The following TXNRD2 variants were observed in gnomAD, a reference collection of about 807,000 sequenced individuals.
The protein encoded by TXNRD2 is thioredoxin reductase 2.
A neutral mutation model predicts 70.8 loss-of-function variants in TXNRD2; 67 were observed. That is an observed-to-expected ratio of 0.95 (90% CI 0.78 to 1.16). The LOEUF is 1.16. Among genes scored for constraint, TXNRD2 ranks in the 50% most tolerant of loss-of-function variants. TXNRD2 has a pLI of 0.00. For synonymous variants in TXNRD2, 301 were observed against 295.8 expected (o/e 1.02, Z -0.18); for missense variants, 644 against 719.9 (o/e 0.89, Z 1.21).
intron 8 of TXNRD2, among the ~76,000 whole-genome samples, chr22:19,903,745 G>A (rs1939882656): frequency 6.6e-6 from 1 of 152,228 alleles, no homozygotes; most frequent in African/African-American, 2.4e-5. Context: ...GCTCCCCGGT[G>A]TGGGCTCACC....
At chr22:19,898,934 T>C in intron 9 of TXNRD2, 115 bp downstream of exon 9, 1 of 1,347,120 alleles carries the variant, frequency 7.4e-7, no homozygotes, top group South Asian at 1.2e-5. Flanking sequence ...AGAGGCCCAG[T>C]AAGTGCCGAT....
At chr22:19,892,971 G>A (rs998339699) in intron 11 of TXNRD2, among the ~76,000 whole-genome samples, 4 of 152,088 alleles carry the variant, frequency 2.6e-5, no homozygotes, top group East Asian at 1.9e-4. Context: ...GATCACCTCC[G>A]GGCCAAGAGC....
rs1296502801 is a variant in TXNRD2, at chr22:19,883,430, C to T, written c.981G>A (p.Leu327=). Residue 327 remains leucine (L), a synonymous_variant, in exon 12 of 18, where the codon TTG becomes TTA. Transcript: ENST00000400521. ...GRVPDTRSLN[L]EKAGVDTSPD... The stretch of plus-strand genomic sequence containing the variant: ...GGCTAGTATCTACCCCAGCCTTCTC[C>T]AAATTCAGACTTCTGGTGTCTGGGA... The T allele has an allele frequency of 6.2e-7, 1 of 1,614,072 alleles. No homozygotes were observed. Among genetic ancestry groups the T allele is most frequent in the Non-Finnish European group, 8.5e-7 (1 of 1,180,044 alleles).
chr22:19,880,365 G>A, intron 13 of TXNRD2, 94 bp from the exon 14 acceptor site: 2 of 1,309,656 alleles, frequency 1.5e-6, no homozygotes, highest in Non-Finnish European at 2.2e-6. Context: ...TCACAGACCA[G>A]GACCAGATGC....
intron 1 of TXNRD2, among the ~76,000 whole-genome samples, chr22:19,936,505 T>C (rs541807260): frequency 2.6e-5 from 4 of 152,244 alleles, no homozygotes; most frequent in African/African-American, 9.6e-5. Context: ...TTTACAGTCT[T>C]TGCCTCCGGA....
intron 10 of TXNRD2, among the ~76,000 whole-genome samples, chr22:19,897,595 T>C (rs1939567008): frequency 1.3e-5 from 2 of 152,138 alleles, no homozygotes; most frequent in South Asian, 4.1e-4. Flanking sequence ...GAGCCAGCGC[T>C]GCCCTGTGTC....
At chr22:19,925,883 A>C (rs1569108829) in intron 2 of TXNRD2, among the ~76,000 whole-genome samples, 1 of 148,412 alleles carries the variant, frequency 6.7e-6, no homozygotes, top group African/African-American at 2.5e-5. Context: ...AAGAAAGTGC[A>C]GGGCCGGGCA....
chr22:19,883,708 C>T (rs1372620440), intron 11 of TXNRD2: 4 of 505,540 alleles, frequency 7.9e-6, no homozygotes, highest in Non-Finnish European at 1.4e-5. Context: ...AATCCCAACA[C>T]TTTGGGAGGC....
At chr22:19,891,784 GACAA>G (rs1939273170) in intron 11 of TXNRD2, 1 of 152,254 alleles carries the variant, frequency 6.6e-6, no homozygotes, top group South Asian at 2.1e-4. Flanking sequence ...GTGATTCAGA[GACAA>G]ACAATGAGCG....
At chr22:19,910,316 C>A (rs1222057269) in intron 8 of TXNRD2, among the ~76,000 whole-genome samples, 1 of 152,158 alleles carries the variant, frequency 6.6e-6, no homozygotes, top group Non-Finnish European at 1.5e-5. Context: ...GTTTCTGAGG[C>A]CTTTGGAGTC....
chr22:19,918,742 T>G, intron 4 of TXNRD2, 118 bp downstream of exon 4: 1 of 1,301,074 alleles, frequency 7.7e-7, no homozygotes, highest in Non-Finnish European at 1.1e-6. Context: ...CGCCCCTGGC[T>G]GAGAAACCCA....
At chr22:19,889,416 G>C (rs532730759) in intron 11 of TXNRD2, among the ~76,000 whole-genome samples, 81 of 152,230 alleles carry the variant, frequency 5.3e-4, no homozygotes, top group African/African-American at 1.8e-3. Flanking sequence ...TTCGAGACCA[G>C]CCTGGCTAAC....
chr22:19,929,040 G>T (rs1348099208), intron 2 of TXNRD2, among the ~76,000 whole-genome samples: 1 of 148,362 alleles, frequency 6.7e-6, no homozygotes, highest in Non-Finnish European at 1.5e-5. Flanking sequence ...TTAAAATGAG[G>T]CCATAGGCCG....
At position 19,883,308 on chromosome 22, in the gene TXNRD2, C is replaced by T. The variant is rs2239893; in HGVS notation, c.1086+17G>A. 0.29 allele frequency: 466,757 copies of T among 1,610,858 alleles called. 69,364 individuals are homozygous for T. Among genetic ancestry groups the T allele is most frequent in the Non-Finnish European group, 0.31 (360,807 of 1,178,392 alleles). ...CAGGCAGGGGCAGGGGCCCTGGTCC[C>T]GGGACGCATGCCGTACCTCCACCAC... On this transcript the variant is annotated intron_variant, in intron 12 of 17. Coordinates refer to ENST00000400521, the MANE Select transcript of TXNRD2 (RefSeq NM_006440.5).
chr22:19,905,858 C>G (rs1035554189), intron 8 of TXNRD2, among the ~76,000 whole-genome samples: 1 of 150,438 alleles, frequency 6.6e-6, no homozygotes, highest in Non-Finnish European at 1.5e-5. Context: ...TGCAGCCAGC[C>G]CAAGGAAGTA....
Position 19,878,082 on chromosome 22 carries a change from G to C in TXNRD2, c.1445+8C>G, listed in dbSNP as rs1476412194. Reference sequence around the variant, plus strand: ...ATCGCATCGCAGCCTGCATTCCTCGGGACTTACTTGATCCCCAGAGCAAAT... The same window carrying C: ...ATCGCATCGCAGCCTGCATTCCTCGCGACTTACTTGATCCCCAGAGCAAAT... On this transcript the variant is annotated splice_region_variant and intron_variant, in intron 16 of 17. Coordinates refer to ENST00000400521, the MANE Select transcript of TXNRD2 (RefSeq NM_006440.5). The C allele has an allele frequency of 6.2e-7, 1 of 1,612,326 alleles. No individual in the cohort carries two copies. Among genetic ancestry groups the C allele is most frequent in the Non-Finnish European group, 8.5e-7 (1 of 1,179,266 alleles).
chr22:19,921,326 G>C (rs561498279), intron 2 of TXNRD2, among the ~76,000 whole-genome samples: 1 of 150,464 alleles, frequency 6.6e-6, no homozygotes, highest in African/African-American at 2.4e-5. Flanking sequence ...AAGGTGGGGG[G>C]ATGGCTTGAG....
intron 8 of TXNRD2, among the ~76,000 whole-genome samples, chr22:19,906,614 C>T (rs1275893085): frequency 6.6e-6 from 1 of 151,806 alleles, no homozygotes; most frequent in Non-Finnish European, 1.5e-5. Flanking sequence ...AGAGCAAGAC[C>T]CTGTCTCAAA....
In TXNRD2 at chr22:19,938,940, T is replaced by C. The variant is rs536473064; in HGVS notation, c.103+2761A>G. ...GCTTTCTAAATGTTCCTAAAAACAA[T>C]ACTCTGACTGCAGCTAAATGCCATT... On this transcript the variant is annotated intron_variant, in intron 1 of 17. Coordinates refer to ENST00000400521, the MANE Select transcript of TXNRD2 (RefSeq NM_006440.5). Among the ~76,000 whole-genome samples the C allele has an allele frequency of 5.3e-5, 8 of 152,280 alleles. No homozygotes were observed. In the South Asian group the frequency reaches 1.7e-3, roughly 32 times the overall value.
Sources: gnomAD v4.1 joint callset for allele counts (sites outside exome capture counted in the v4.1 genomes callset) on GRCh38, gnomAD v4.1.1 for gene constraint, MANE v1.5 for transcripts, NCBI Gene and HGNC (gene_info 2026-07-23, HGNC 2026-07-21) for gene names.